Variants in SLC16A10 observed in about 807,000 individuals in gnomAD.
SLC16A10 encodes monocarboxylate transporter 10.
Under a neutral mutation model 40.0 loss-of-function variants are expected in SLC16A10, and 27 were observed. The observed-to-expected ratio is 0.67, with a 90% CI of 0.50 to 0.93. The LOEUF is 0.93. Ranked by LOEUF, SLC16A10 falls within the 40% of genes least tolerant of loss-of-function variation. SLC16A10 has a pLI of 0.00. For synonymous variants in SLC16A10, 213 were observed against 249.8 expected (o/e 0.85, Z 1.39); for missense variants, 529 against 658.2 (o/e 0.80, Z 2.15).
At chr6:111,165,256 AAC>A (rs1772450818) in intron 1 of SLC16A10, among the ~76,000 whole-genome samples, 1 of 152,212 alleles carries the variant, frequency 6.6e-6, no homozygotes, top group African/African-American at 2.4e-5. Flanking sequence ...TCATGAGGAA[AAC>A]AGAGGTTTTT....
chr6:111,155,197 C>CTT (rs33948560), intron 1 of SLC16A10, among the ~76,000 whole-genome samples: 4 of 119,198 alleles, frequency 3.4e-5, no homozygotes, highest in Non-Finnish European at 5.4e-5. Flanking sequence ...TTCAACAGGA[C>CTT]TTTTTTTTTT....
chr6:111,202,576 G>A (rs892176530), intron 3 of SLC16A10, among the ~76,000 whole-genome samples: 1 of 151,978 alleles, frequency 6.6e-6, no homozygotes, highest in Non-Finnish European at 1.5e-5. Context: ...TTAAACAGAT[G>A]TTTAAGAACA....
chr6:111,206,819 CTT>C (rs979276469), intron 4 of SLC16A10, 84 bp downstream of exon 4: 1 of 1,415,446 alleles, frequency 7.1e-7, no homozygotes, highest in Non-Finnish European at 9.6e-7. Flanking sequence ...TGCTTAAATT[CTT>C]TTTTTTTCTT....
At chr6:111,119,666 A>T (rs1446770913) in intron 1 of SLC16A10, among the ~76,000 whole-genome samples, 1 of 152,004 alleles carries the variant, frequency 6.6e-6, no homozygotes, top group Non-Finnish European at 1.5e-5. Flanking sequence ...TGAAGCTCAA[A>T]CCCCTGGTGT....
intron 3 of SLC16A10, among the ~76,000 whole-genome samples, chr6:111,201,659 A>G (rs532252683): frequency 6.6e-6 from 1 of 152,372 alleles, no homozygotes; most frequent in Non-Finnish European, 1.5e-5. Flanking sequence ...AAAAGGAGGA[A>G]GATAATGACC....
rs11153275 is a variant in SLC16A10, at chr6:111,182,676, G to T, written c.942+5011G>T. Reference sequence around the variant, plus strand: ...ACTTGGGTAACTGCTAGGTGTTTCAGACTTACCCTGTCTAACCCTGAGGTC... The same window carrying T: ...ACTTGGGTAACTGCTAGGTGTTTCATACTTACCCTGTCTAACCCTGAGGTC... On this transcript the variant is annotated intron_variant, in intron 3 of 5. Coordinates refer to ENST00000368851, the MANE Select transcript of SLC16A10 (RefSeq NM_018593.5). Among the ~76,000 whole-genome samples, 4 of 152,052 alleles carry T rather than the reference G, an allele frequency of 2.6e-5. No individual in the cohort carries two copies. The East Asian group carries it at 7.7e-4, about 29-fold the overall frequency.
At chr6:111,179,598 A>G (rs1772752559) in intron 3 of SLC16A10, among the ~76,000 whole-genome samples, 1 of 152,230 alleles carries the variant, frequency 6.6e-6, no homozygotes, top group South Asian at 2.1e-4. Flanking sequence ...TCAGGTAAAT[A>G]AAATTTCATA....
At chr6:111,116,278 C>T (rs1023545616) in intron 1 of SLC16A10, among the ~76,000 whole-genome samples, 13 of 151,834 alleles carry the variant, frequency 8.6e-5, no homozygotes, top group African/African-American at 1.5e-4. Context: ...AGTGCAGTGG[C>T]GCAATCTCGG....
chr6:111,100,990 CTCTA>C (rs1342216012), intron 1 of SLC16A10, among the ~76,000 whole-genome samples: 1,994 of 70,712 alleles, frequency 0.028, 10 homozygotes, highest in Non-Finnish European at 0.036. Context: ...CTCTCTCTCT[CTCTA>C]TATATATATA....
intron 2 of SLC16A10, 148 bp downstream of exon 2, chr6:111,172,987 T>A: frequency 1.0e-6 from 1 of 1,004,538 alleles, no homozygotes; most frequent in East Asian, 2.5e-5. Flanking sequence ...CAAACTGTTA[T>A]CCATAGCAGC....
chr6:111,192,081 A>G (rs1175565549), intron 3 of SLC16A10, among the ~76,000 whole-genome samples: 1 of 152,128 alleles, frequency 6.6e-6, no homozygotes, highest in Non-Finnish European at 1.5e-5. Context: ...GTAGTCATGA[A>G]GTCTTTGCCC....
intron 1 of SLC16A10, among the ~76,000 whole-genome samples, chr6:111,167,646 TG>T: frequency 8.5e-6 from 1 of 117,858 alleles, no homozygotes; most frequent in Non-Finnish European, 2.0e-5. Flanking sequence ...ATTTATTTAT[TG>T]TGTGTGTGTG....
chr6:111,178,565 AAAAAG>A lies in SLC16A10; in HGVS notation c.942+903_942+907del. Reference sequence around the variant, plus strand: ...ATCCCTACCTGGGGAAGGAAAAAAAAAAAAGAAGGAAGAAGCAGTGTCTAAAGTAT... The same window carrying A: ...ATCCCTACCTGGGGAAGGAAAAAAAAAAGGAAGAAGCAGTGTCTAAAGTAT... On this transcript the variant is annotated intron_variant, in intron 3 of 5. Transcript: ENST00000368851. The A allele has an allele frequency of 8.5e-6, 3 of 353,016 alleles. 1 individual carries two copies. Among genetic ancestry groups the A allele is most frequent in the East Asian group, 1.7e-4 (2 of 11,514 alleles). 21.9% of individuals were successfully genotyped at this position (353,016 alleles called of 1,614,324 possible). A position where few individuals can be genotyped will look rare whatever the true frequency, so the allele number is the denominator to read the frequency against.
At chr6:111,202,143 T>A (rs1346294140) in intron 3 of SLC16A10, among the ~76,000 whole-genome samples, 2 of 152,024 alleles carry the variant, frequency 1.3e-5, no homozygotes, top group African/African-American at 2.4e-5. Context: ...TGGGCTCTAG[T>A]GAGGGGAAAG....
chr6:111,179,113 C>T (rs1468701294), intron 3 of SLC16A10, among the ~76,000 whole-genome samples: 1 of 109,886 alleles, frequency 9.1e-6, no homozygotes, highest in Non-Finnish European at 1.9e-5. Context: ...AGGTGCAAGC[C>T]ACCACACCCA....
intron 3 of SLC16A10, among the ~76,000 whole-genome samples, chr6:111,186,201 C>T (rs1218667394): frequency 6.6e-6 from 1 of 152,148 alleles, no homozygotes; most frequent in African/African-American, 2.4e-5. Flanking sequence ...CTGCATCTGG[C>T]CTTCACTAGG....
rs996383314 is a variant in SLC16A10 at position 111,137,240 on chromosome 6, C to G, written c.344-35455C>G. Reference sequence around the variant, plus strand: ...CCTCATGAGGACGTAGTTTCCTCCTCAGGATGGCTAGCCACCAAAGAAGGA... The same window carrying G: ...CCTCATGAGGACGTAGTTTCCTCCTGAGGATGGCTAGCCACCAAAGAAGGA... On this transcript the variant is annotated intron_variant, in intron 1 of 5. Coordinates refer to ENST00000368851, the MANE Select transcript of SLC16A10 (RefSeq NM_018593.5). 2.0e-5 allele frequency among the ~76,000 whole-genome samples: 3 copies of G among 152,184 alleles called. No homozygotes were observed. In the East Asian group the frequency reaches 5.8e-4, roughly 29 times the overall value.
chr6:111,131,840 A>T (rs1000434774), intron 1 of SLC16A10, among the ~76,000 whole-genome samples: 2 of 152,224 alleles, frequency 1.3e-5, no homozygotes, highest in African/African-American at 4.8e-5. Flanking sequence ...ACAGTCAGCC[A>T]TGCGTGCACC....
chr6:111,172,241 ACTTAGGTTCCATTAGTT>A (rs1488008352), intron 1 of SLC16A10, among the ~76,000 whole-genome samples: 1 of 152,184 alleles, frequency 6.6e-6, no homozygotes, highest in Non-Finnish European at 1.5e-5. Flanking sequence ...GCCCATTTTC[ACTTAGGTTCCATTAGTT>A]TATTATATAT....
Sources: allele counts gnomAD v4.1 joint callset (sites outside exome capture counted in the v4.1 genomes callset), GRCh38; gene constraint gnomAD v4.1.1; transcripts MANE v1.5; gene names NCBI Gene and HGNC (gene_info 2026-07-23, HGNC 2026-07-21).